The following POC1B variants were observed in gnomAD, a reference collection of about 807,000 sequenced individuals.
The protein encoded by POC1B is POC1 centriolar protein B, also known as POC1 centriolar protein homolog B.
Under a neutral mutation model 60.6 loss-of-function variants are expected in POC1B, and 44 were observed. The ratio of observed to expected loss-of-function variants is 0.73; its 90% CI spans 0.57 to 0.93. The LOEUF (loss-of-function observed/expected upper bound fraction) is 0.93. Among genes scored for constraint, POC1B ranks in the 40% least tolerant of loss-of-function variants. The probability of loss-of-function intolerance (pLI) is 0.00; values close to 1 mark genes in which losing one functional copy is unlikely to be tolerated. For synonymous variants in POC1B, 180 were observed against 198.9 expected (o/e 0.90, Z 0.80); for missense variants, 555 against 572.3 (o/e 0.97, Z 0.31).
Position 89,525,940 on chromosome 12 carries a change from G to A in POC1B, c.-45C>T. 1 of 1,533,298 alleles carries A rather than the reference G, an allele frequency of 6.5e-7. No individual in the cohort carries two copies. The highest frequency in any genetic ancestry group is 1.4e-5 in the African/African-American group (1 of 72,718). 95.0% of individuals were successfully genotyped at this position (1,533,298 alleles called of 1,614,324 possible). ...AGGCTCCTGTGGGTGGGGGAACCCG[G>A]AGAGGGGAGGGGAGAGGATGGGGAA... On this transcript the variant is annotated 5_prime_UTR_variant, in exon 1 of 12. Transcript: ENST00000313546.
chr12:89,463,901 CT>C (rs1304571260), intron 9 of POC1B, among the ~76,000 whole-genome samples: 1 of 152,152 alleles, frequency 6.6e-6, no homozygotes, highest in Non-Finnish European at 1.5e-5. Flanking sequence ...AAGTGAAGCG[CT>C]TAAGGCTAGC....
intron 4 of POC1B, among the ~76,000 whole-genome samples, chr12:89,481,928 A>G (rs777021042): frequency 6.6e-6 from 1 of 152,188 alleles, no homozygotes; most frequent in Non-Finnish European, 1.5e-5. Flanking sequence ...AAGCCTCAAC[A>G]GAATCTCTTT....
intron 10 of POC1B, among the ~76,000 whole-genome samples, chr12:89,449,400 C>T (rs918169164): frequency 2.0e-5 from 3 of 152,154 alleles, no homozygotes; most frequent in African/African-American, 7.2e-5. Flanking sequence ...TGAGGTAACA[C>T]ATTTGTAAAT....
At chr12:89,480,763 G>T (rs1430013694) in intron 4 of POC1B, among the ~76,000 whole-genome samples, 1 of 152,020 alleles carries the variant, frequency 6.6e-6, no homozygotes, top group African/African-American at 2.4e-5. Flanking sequence ...ACCTCACCCG[G>T]CTAATTTTTT....
In POC1B at chr12:89,443,959, GAAA is replaced by G. The variant is rs200475873; in HGVS notation, c.1113+15676_1113+15678del. ...CCCACAGAAATACAAACTACCATCA[GAAA>G]ATAACATAAACACTTCTATGCAAAG... On this transcript the variant is annotated intron_variant, in intron 10 of 11. Transcript: ENST00000313546. Among the ~76,000 whole-genome samples, 1,028 of 152,272 alleles carry G rather than the reference GAAA, an allele frequency of 6.8e-3. 12 individuals are homozygous for G. Among genetic ancestry groups the G allele is most frequent in the African/African-American group, 0.024 (995 of 41,556 alleles).
chr12:89,414,603 T>G, the POC1B span, among the ~76,000 whole-genome samples: 1 of 152,236 alleles, frequency 6.6e-6, no homozygotes, highest in African/African-American at 2.4e-5. Context: ...ACCTCGTGAC[T>G]TGCTAAGGCA....
intron 2 of POC1B, among the ~76,000 whole-genome samples, chr12:89,498,442 A>G (rs1022407767): frequency 6.6e-6 from 1 of 152,228 alleles, no homozygotes; most frequent in Non-Finnish European, 1.5e-5. Context: ...CTAAATCTGG[A>G]TTGTAGAGTG....
intron 10 of POC1B, among the ~76,000 whole-genome samples, chr12:89,436,483 A>G (rs1316824547): frequency 6.6e-6 from 1 of 151,998 alleles, no homozygotes; most frequent in East Asian, 1.9e-4. Flanking sequence ...GGAGGCTGAG[A>G]TGGGTGGATG....
intron 10 of POC1B, among the ~76,000 whole-genome samples, chr12:89,436,245 A>G (rs924509640): frequency 6.6e-6 from 1 of 152,008 alleles, no homozygotes; most frequent in African/African-American, 2.4e-5. Context: ...GACACCGTGC[A>G]CGACCGCAGG....
At chr12:89,415,750 G>A (rs1880353228), downstream of POC1B, among the ~76,000 whole-genome samples, 2 of 152,136 alleles carry the variant, frequency 1.3e-5, no homozygotes. Flanking sequence ...TGCAGTTCAC[G>A]TTATTATTTT....
intron 4 of POC1B, among the ~76,000 whole-genome samples, chr12:89,476,759 T>TAGATAGATAGATAGATAGACAGAC (rs1485211003): frequency 7.5e-4 from 44 of 58,646 alleles, no homozygotes; most frequent in East Asian, 5.5e-3. Context: ...GATAGATAGA[T>TAGATAGATAGATAGATAGACAGAC]AGACAGACAG....
chr12:89,407,753 A>G, the POC1B span, among the ~76,000 whole-genome samples: 2 of 152,214 alleles, frequency 1.3e-5, no homozygotes, highest in Non-Finnish European at 2.9e-5. Flanking sequence ...TAATTGTTAC[A>G]ATGAGGCTAA....
the POC1B span, among the ~76,000 whole-genome samples, chr12:89,407,110 CTG>C: frequency 3.2e-5 from 4 of 124,568 alleles, no homozygotes; most frequent in East Asian, 1.0e-3. Flanking sequence ...GATCATGCCA[CTG>C]AACTCCAGCC....
the POC1B span, among the ~76,000 whole-genome samples, chr12:89,413,392 T>G: frequency 6.6e-6 from 1 of 152,104 alleles, no homozygotes; most frequent in African/African-American, 2.4e-5. Context: ...AGATGGAGTC[T>G]CACTATGCTG....
At chr12:89,453,536 A>C (rs1882138195) in intron 10 of POC1B, among the ~76,000 whole-genome samples, 1 of 152,200 alleles carries the variant, frequency 6.6e-6, no homozygotes, top group Non-Finnish European at 1.5e-5. Flanking sequence ...AAGCAGCCAC[A>C]AAGTTATAGA....
intron 2 of POC1B, among the ~76,000 whole-genome samples, chr12:89,510,012 A>ATT (rs11411488): frequency 3.3e-5 from 5 of 151,740 alleles, no homozygotes; most frequent in South Asian, 2.1e-4. Context: ...CACTCAGTTA[A>ATT]TTTTTTTTGT....
chr12:89,445,531 T>C (rs1881742186), intron 10 of POC1B, among the ~76,000 whole-genome samples: 1 of 152,268 alleles, frequency 6.6e-6, no homozygotes, highest in Admixed American at 6.5e-5. Context: ...TAATAAATGG[T>C]GCTGGGAAAA....
chr12:89,498,383 T>C (rs112961740), intron 2 of POC1B, among the ~76,000 whole-genome samples: 3,784 of 152,336 alleles, frequency 0.025, 74 homozygotes, highest in Non-Finnish European at 0.036. Context: ...ATTATATGCA[T>C]GTAGCCCTAG....
intron 10 of POC1B, chr12:89,426,817 A>G (rs1406498085): frequency 1.3e-5 from 2 of 150,972 alleles, no homozygotes; most frequent in East Asian, 3.9e-4. Context: ...GACCAAGGCC[A>G]TGTTTCAAAA....
Sources: allele counts gnomAD v4.1 joint callset (sites outside exome capture counted in the v4.1 genomes callset), GRCh38; gene constraint gnomAD v4.1.1; transcripts MANE v1.5; gene names NCBI Gene and HGNC (gene_info 2026-07-23, HGNC 2026-07-21).